Variants in LRPAP1 observed in about 807,000 individuals in gnomAD.
The protein encoded by LRPAP1 is LDL receptor related protein associated protein 1.
LRPAP1 carries 41 observed loss-of-function variants against 39.9 expected under a neutral mutation model. The observed-to-expected ratio is 1.03, with a 90% CI of 0.80 to 1.33. The LOEUF is 1.33. Among genes scored for constraint, LRPAP1 ranks in the 40% most tolerant of loss-of-function variants. The pLI is 0.00. For synonymous variants in LRPAP1, 263 were observed against 212.7 expected, an observed-to-expected ratio of 1.24 and a Z score of -2.06; for missense variants, 565 against 482.3, an observed-to-expected ratio of 1.17 and a Z score of -1.61.
rs566246289 is a variant in LRPAP1 at position 3,507,334 on chromosome 4, C to T, written c.*5640G>A. The T allele has an allele frequency of 1.2e-4, 18 of 152,336 alleles. No individual in the cohort carries two copies. In the East Asian group the frequency reaches 3.5e-3, roughly 29 times the overall value. The allele number at this position is 152,336 out of a possible 1,614,324, so 9.4% of individuals were successfully genotyped here. ...CAAGAGCAGACAAAAAGGTGTCATG[C>T]CTCTGGCACCAGGGAAGTGCAAGTT... On this transcript the variant is annotated 3_prime_UTR_variant, in exon 8 of 8. Transcript: ENST00000650182.
chr4:3,522,565 A>G (rs1228630502), intron 2 of LRPAP1, among the ~76,000 whole-genome samples: 1 of 105,724 alleles, frequency 9.5e-6, no homozygotes, highest in Non-Finnish European at 2.0e-5. Flanking sequence ...GACAGACGCC[A>G]CCCCACACTC....
chr4:3,513,662 G>A (rs1170268173), intron 7 of LRPAP1, among the ~76,000 whole-genome samples: 2 of 152,160 alleles, frequency 1.3e-5, no homozygotes, highest in Non-Finnish European at 2.9e-5. Flanking sequence ...AGAGCTCTGG[G>A]AAAGGCGCCT....
chr4:3,516,133 C>T lies in LRPAP1; in HGVS notation c.817G>A (p.Glu273Lys), dbSNP rs1468703329. 5 of 1,579,622 alleles carry T rather than the reference C, an allele frequency of 3.2e-6. No individual in the cohort carries two copies. Among genetic ancestry groups the T allele is most frequent in the African/African-American group, 1.3e-5 (1 of 74,706 alleles). The change falls in exon 6 of 8, where the codon GAG becomes AAG. Residue 273 changes from glutamate (E) to lysine (K), a missense_variant. Coordinates refer to ENST00000650182, the MANE Select transcript of LRPAP1 (RefSeq NM_002337.4). ...TTCCTTACCCGGAACGCCTCCAGCTCCTTGTCCGTGAGGTTGGCGGACTGC... is the reference window on the plus strand; with the variant it reads ...TTCCTTACCCGGAACGCCTCCAGCTTCTTGTCCGTGAGGTTGGCGGACTGC... ...LAQSANLTDK[E>K]LEAFREELKH...
chr4:3,514,768 T>G lies in LRPAP1; in HGVS notation c.995A>C (p.Lys332Thr). Residue 332 changes from lysine (K) to threonine (T), a missense_variant, in exon 7 of 8, where the codon AAG (lysine) becomes ACG (threonine). Transcript: ENST00000650182. ...CGTGCGCACCGTGTAGCCCAGCTCC[T>G]TGGTCCGCCCCTCCAGCAGGGCGTG... is the stretch of plus-strand genomic sequence containing the variant. Reference protein sequence around the residue: ...EKHALLEGRTKELGYTVKKHL... With the variant: ...EKHALLEGRTTELGYTVKKHL... 6.2e-7 allele frequency: 1 copy of G among 1,609,930 alleles called. No individual in the cohort carries two copies. Among genetic ancestry groups the G allele is most frequent in the Non-Finnish European group, 8.5e-7 (1 of 1,179,082 alleles).
chr4:3,513,867 G>A (rs1451148315), intron 7 of LRPAP1, among the ~76,000 whole-genome samples: 1 of 152,232 alleles, frequency 6.6e-6, no homozygotes, highest in African/African-American at 2.4e-5. Context: ...CCACATAGAA[G>A]CCCGTGGCTC....
Position 3,506,203 on chromosome 4 carries a change from T to A in LRPAP1, c.*6771A>T, listed in dbSNP as rs1729349650. Among the ~76,000 whole-genome samples, 1 of 151,900 alleles carries A rather than the reference T, an allele frequency of 6.6e-6. No individual in the cohort carries two copies. Among genetic ancestry groups the A allele is most frequent in the South Asian group, 2.1e-4 (1 of 4,822 alleles). On this transcript the variant is annotated 3_prime_UTR_variant, in exon 8 of 8. Transcript: ENST00000650182. ...TTAGGCTCCCGAGTAGCTGGGATTA[T>A]AGGCAGATGCTGCCACCACTCCTGG...
rs1729487434 is a variant in LRPAP1, at chr4:3,510,954, G to T, written c.*2020C>A. ...GCCACACCCATGGAACTAACACTCG[G>T]TATCTGGGTTTTTTGTGTAACTGCC... On this transcript the variant is annotated 3_prime_UTR_variant, in exon 8 of 8. Transcript: ENST00000650182. 1 of 152,260 alleles carries T rather than the reference G, an allele frequency of 6.6e-6. No homozygotes were observed. Among genetic ancestry groups the T allele is most frequent in the African/African-American group, 2.4e-5 (1 of 41,424 alleles). 9.4% of individuals were successfully genotyped at this position (152,260 alleles called of 1,614,324 possible). A position where few individuals can be genotyped will look rare whatever the true frequency, so the allele number is the denominator to read the frequency against.
chr4:3,522,680 TGCCTGGGGAGGACAGACGCCGCCCCACAC>T lies in LRPAP1; in HGVS notation c.349+2198_349+2226del, dbSNP rs1560258710. On this transcript the variant is annotated intron_variant, in intron 2 of 7. Transcript: ENST00000650182. The stretch of plus-strand genomic sequence containing the variant: ...AGGACGGACGCCGCCCCACACCCCC[TGCCTGGGGAGGACAGACGCCGCCCCACAC>T]CCCCTGCCTGGGGAGGACGGACGCC... Among the ~76,000 whole-genome samples, 158 of 106,562 alleles carry T rather than the reference TGCCTGGGGAGGACAGACGCCGCCCCACAC, an allele frequency of 1.5e-3. 5 individuals are homozygous for T. Among genetic ancestry groups the T allele is most frequent in the African/African-American group, 4.9e-3 (150 of 30,690 alleles). The allele number at this position is 106,562 out of a possible 152,430, so 69.9% of individuals were successfully genotyped here.
intron 1 of LRPAP1, among the ~76,000 whole-genome samples, chr4:3,529,694 C>G (rs933887400): frequency 6.6e-6 from 1 of 152,158 alleles, no homozygotes; most frequent in Non-Finnish European, 1.5e-5. Flanking sequence ...CCCCCCTGGC[C>G]GGGTCTCGCC....
rs1251445791 is a variant in LRPAP1, at chr4:3,504,717, T to A, written c.*8257A>T. On this transcript the variant is annotated 3_prime_UTR_variant, in exon 8 of 8. Transcript: ENST00000650182. ...GTGAGCCAAGATTGCGCCATTGCAC[T>A]GCAGCCTGAGCAATTGAGATTCCAT... Among the ~76,000 whole-genome samples, 2 of 104,312 alleles carry A rather than the reference T, an allele frequency of 1.9e-5. No individual in the cohort carries two copies. Among genetic ancestry groups the A allele is most frequent in the African/African-American group, 7.0e-5 (2 of 28,698 alleles). 68.4% of individuals were successfully genotyped at this position (104,312 alleles called of 152,430 possible). A position where few individuals can be genotyped will look rare whatever the true frequency, so the allele number is the denominator to read the frequency against.
intron 1 of LRPAP1, among the ~76,000 whole-genome samples, chr4:3,529,797 TCCCTTCA>T (rs1730194923): frequency 6.6e-6 from 1 of 152,158 alleles, no homozygotes; most frequent in Non-Finnish European, 1.5e-5. Context: ...CCTGAAACGC[TCCCTTCA>T]CCCTATGCCT....
In LRPAP1 at chr4:3,509,922, A is replaced by T. The variant is rs1189795634; in HGVS notation, c.*3052T>A. 2.0e-5 allele frequency: 3 copies of T among 152,264 alleles called. No homozygotes were observed. Among genetic ancestry groups the T allele is most frequent in the Admixed American group, 6.5e-5 (1 of 15,286 alleles). 9.4% of individuals were successfully genotyped at this position (152,264 alleles called of 1,614,324 possible). On this transcript the variant is annotated 3_prime_UTR_variant, in exon 8 of 8. Transcript: ENST00000650182. The stretch of plus-strand genomic sequence containing the variant: ...CGATTCTTCCCAACATGTATTCAAG[A>T]CATTCAGAAAAGGTATTCAAAAATG...
At chr4:3,517,839 G>T in intron 5 of LRPAP1, 195 bp downstream of exon 5, 1 of 565,576 alleles carries the variant, frequency 1.8e-6, no homozygotes, top group Non-Finnish European at 2.9e-6. Flanking sequence ...GGCTGGGGAC[G>T]GCGAGTGACC....
intron 2 of LRPAP1, among the ~76,000 whole-genome samples, chr4:3,523,320 T>A (rs1226608946): frequency 6.6e-6 from 1 of 152,136 alleles, no homozygotes; most frequent in Non-Finnish European, 1.5e-5. Context: ...CTAGACACGC[T>A]GGTGGGGACG....
At chr4:3,521,598 C>T (rs187980973) in intron 2 of LRPAP1, among the ~76,000 whole-genome samples, 79 of 152,300 alleles carry the variant, frequency 5.2e-4, no homozygotes, top group African/African-American at 1.8e-3. Flanking sequence ...TCACTCTGTC[C>T]GGAAGCCTGG....
intron 1 of LRPAP1, among the ~76,000 whole-genome samples, chr4:3,531,192 A>G (rs1458714497): frequency 1.3e-5 from 2 of 152,050 alleles, no homozygotes; most frequent in African/African-American, 2.4e-5. Context: ...TGGTCCCAGG[A>G]GCAGTTCAGG....
At chr4:3,516,911 C>T (rs1729722189) in intron 5 of LRPAP1, among the ~76,000 whole-genome samples, 2 of 152,216 alleles carry the variant, frequency 1.3e-5, no homozygotes, top group South Asian at 4.1e-4. Flanking sequence ...CCCAGGCAGA[C>T]CCGCAAGAGA....
intron 1 of LRPAP1, among the ~76,000 whole-genome samples, chr4:3,525,432 GAC>G (rs1730052158): frequency 6.7e-6 from 1 of 149,366 alleles, no homozygotes; most frequent in African/African-American, 2.4e-5. Context: ...ATATTGCAAG[GAC>G]ACAGACACCT....
chr4:3,531,601 C>T (rs1055018472), intron 1 of LRPAP1, among the ~76,000 whole-genome samples: 3 of 152,184 alleles, frequency 2.0e-5, no homozygotes, highest in African/African-American at 7.2e-5. Context: ...CTTGGGGGTG[C>T]CCTTTCCCCT....
Sources: allele counts gnomAD v4.1 joint callset (sites outside exome capture counted in the v4.1 genomes callset), GRCh38; gene constraint gnomAD v4.1.1; transcripts MANE v1.5; gene names NCBI Gene and HGNC (gene_info 2026-07-23, HGNC 2026-07-21).